The following FXN variants were observed in gnomAD, a reference collection of about 807,000 sequenced individuals.
FXN encodes frataxin, also known as frataxin, mitochondrial.
In FXN, 14 loss-of-function variants were observed where a neutral mutation model predicts 22.4. That is an observed-to-expected ratio of 0.62 (90% CI 0.41 to 0.98). FXN has a LOEUF of 0.98. Among genes scored for constraint, FXN ranks in the 50% least tolerant of loss-of-function variants. The probability of loss-of-function intolerance (pLI) is 0.00; values close to 1 mark genes in which losing one functional copy is unlikely to be tolerated. For synonymous variants in FXN, 120 were observed against 114.1 expected (o/e 1.05, Z -0.33); for missense variants, 267 against 268.4 (o/e 0.99, Z 0.04).
In FXN at chr9:69,046,398, G is replaced by A. The variant is rs141858334; in HGVS notation, c.179G>A (p.Arg60His). 9.2e-5 allele frequency: 149 copies of A among 1,613,962 alleles called. 1 individual carries two copies. The East Asian group carries it at 2.3e-3, about 25-fold the overall frequency. The change falls in exon 2 of 5, where the codon CGT (arginine) becomes CAT (histidine). Residue 60 changes from arginine (R) to histidine (H), a missense_variant. Physicochemically the swap from Arg to His is conservative, Grantham distance 29. Transcript: ENST00000484259. Reference protein sequence around the residue: ...CTPRRASSNQRGLNQIWNVKK... With the variant: ...CTPRRASSNQHGLNQIWNVKK... ...TTTGGCTTTCAGAGTTCGAACCAACGTGGCCTCAACCAGATTTGGAATGTC... is the reference window on the plus strand; with the variant it reads ...TTTGGCTTTCAGAGTTCGAACCAACATGGCCTCAACCAGATTTGGAATGTC...
At chr9:69,037,602 T>G (rs1433666026) in intron 1 of FXN, among the ~76,000 whole-genome samples, 1 of 152,214 alleles carries the variant, frequency 6.6e-6, no homozygotes, top group African/African-American at 2.4e-5. Context: ...TTCTGTGCAC[T>G]ATCTGAGCTG....
chr9:69,075,035 G>T lies in FXN; in HGVS notation c.*2273G>T. On this transcript the variant is annotated 3_prime_UTR_variant, in exon 5 of 5. Transcript: ENST00000484259. ...GGGCTGCTCTGACATGAAAGTGGAA[G>T]TTAAGGAATCTGGGCTCTTATGGGG... The T allele has an allele frequency of 1.0e-6, 1 of 985,454 alleles. No homozygotes were observed. Among genetic ancestry groups the T allele is most frequent in the South Asian group, 4.7e-5 (1 of 21,284 alleles). 61.0% of individuals were successfully genotyped at this position (985,454 alleles called of 1,614,324 possible).
chr9:69,052,982 C>T (rs1413138973), intron 2 of FXN, among the ~76,000 whole-genome samples, 158 bp from the exon 3 acceptor site: 1 of 140,824 alleles, frequency 7.1e-6, no homozygotes, highest in Non-Finnish European at 1.5e-5. Context: ...CAGAGTGAGA[C>T]TCTGTCTCAA....
intron 2 of FXN, among the ~76,000 whole-genome samples, chr9:69,051,071 C>T (rs147867343): frequency 1.5e-4 from 23 of 152,252 alleles, no homozygotes; most frequent in African/African-American, 4.1e-4. Context: ...TGAGCCACCG[C>T]GCCAGGCCGG....
intron 4 of FXN, 89 bp downstream of exon 4, chr9:69,065,124 A>G (rs1357494971): frequency 3.4e-5 from 35 of 1,015,830 alleles, no homozygotes; most frequent in Non-Finnish European, 4.9e-5. Flanking sequence ...ATGTCGGCTG[A>G]GCACAGTGGC....
chr9:69,056,018 G>A (rs1162478536), intron 3 of FXN, among the ~76,000 whole-genome samples: 2 of 151,818 alleles, frequency 1.3e-5, no homozygotes, highest in Non-Finnish European at 2.9e-5. Context: ...CTAGTAGCTG[G>A]GACTACAGGC....
Position 69,072,747 on chromosome 9 carries a change from C to A in FXN, c.618C>A (p.Ser206=), listed in dbSNP as rs755842538. The change falls in exon 5 of 5, where the codon TCC becomes TCA. Residue 206 remains serine (S), a synonymous_variant. Coordinates refer to ENST00000484259, the MANE Select transcript of FXN (RefSeq NM_000144.5). ...TKLDLSSLAY[S]GKDA ...TGGACTTGTCTTCCTTGGCCTATTC[C>A]GGAAAAGATGCTTGATGCCCAGCCC... 3 of 1,614,026 alleles carry A rather than the reference C, an allele frequency of 1.9e-6. No individual in the cohort carries two copies. The highest frequency in any genetic ancestry group is 2.5e-6 in the Non-Finnish European group (3 of 1,180,026).
intron 1 of FXN, among the ~76,000 whole-genome samples, chr9:69,036,573 C>G (rs1831554888): frequency 6.6e-6 from 1 of 152,210 alleles, no homozygotes; most frequent in African/African-American, 2.4e-5. Flanking sequence ...CTCCGCAGAG[C>G]TGTGTGACCT....
intron 2 of FXN, among the ~76,000 whole-genome samples, chr9:69,050,402 C>A (rs1276497456): frequency 6.6e-6 from 1 of 152,080 alleles, no homozygotes; most frequent in Non-Finnish European, 1.5e-5. Context: ...GTTGTGTATA[C>A]CCCTTAAGAG....
intron 1 of FXN, among the ~76,000 whole-genome samples, chr9:69,043,784 A>T (rs1831698809): frequency 6.6e-6 from 1 of 152,144 alleles, no homozygotes; most frequent in Non-Finnish European, 1.5e-5. Flanking sequence ...GGGTTTCACC[A>T]TGTTGGCCAG....
Position 69,073,956 on chromosome 9 carries a change from G to A in FXN, c.*1194G>A, listed in dbSNP as rs533683264. The A allele has an allele frequency of 6.4e-6, 5 of 779,918 alleles. No homozygotes were observed. The highest frequency in any genetic ancestry group is 7.8e-6 in the Non-Finnish European group (5 of 642,664). 48.3% of individuals were successfully genotyped at this position (779,918 alleles called of 1,614,324 possible). On this transcript the variant is annotated 3_prime_UTR_variant, in exon 5 of 5. Transcript: ENST00000484259. Reference sequence around the variant, plus strand: ...CCCAGCACTTTTGGAGGCCAAGGTGGGTGGATCACCTGAGGTCAGGAGTTC... The same window carrying A: ...CCCAGCACTTTTGGAGGCCAAGGTGAGTGGATCACCTGAGGTCAGGAGTTC...
At chr9:69,067,858 A>G (rs759793549) in intron 4 of FXN, among the ~76,000 whole-genome samples, 1 of 152,198 alleles carries the variant, frequency 6.6e-6, no homozygotes, top group Non-Finnish European at 1.5e-5. Context: ...GTCTTTACCC[A>G]CTTACTCTTA....
chr9:69,050,991 G>A (rs1466474078), intron 2 of FXN, among the ~76,000 whole-genome samples: 1 of 152,094 alleles, frequency 6.6e-6, no homozygotes, highest in Non-Finnish European at 1.5e-5. Context: ...TGTTGGTCAA[G>A]CTGGTCTCGA....
chr9:69,064,931 C>A lies in FXN; in HGVS notation c.385-7C>A. 2.5e-6 allele frequency: 4 copies of A among 1,570,492 alleles called. No homozygotes were observed. The highest frequency in any genetic ancestry group is 3.5e-6 in the Non-Finnish European group (4 of 1,140,128). On this transcript the variant is annotated splice_region_variant and splice_polypyrimidine_tract_variant and intron_variant, in intron 3 of 4. Coordinates refer to ENST00000484259, the MANE Select transcript of FXN (RefSeq NM_000144.5). ...TCTTTATGCTTTTTTTCCACCTAAT[C>A]CCCTAGAGTGGTGTCTTAACTGTCA...
intron 2 of FXN, among the ~76,000 whole-genome samples, chr9:69,047,105 C>T (rs550186155): frequency 4.6e-5 from 7 of 152,296 alleles, no homozygotes; most frequent in East Asian, 1.9e-4. Flanking sequence ...AAAGCCGGCA[C>T]GGCATTCCCC....
intron 2 of FXN, among the ~76,000 whole-genome samples, chr9:69,047,785 T>A (rs545572761): frequency 6.6e-6 from 1 of 152,196 alleles, no homozygotes; most frequent in Non-Finnish European, 1.5e-5. Context: ...TGGTGCGATC[T>A]CGGCTCACTG....
chr9:69,074,819 A>G lies in FXN; in HGVS notation c.*2057A>G, dbSNP rs1453671461. Reference sequence around the variant, plus strand: ...AAAATATTTTTTCTGAAATAAAATTATTTTTTGAGTCTGATGGAAATGTTT... The same window carrying G: ...AAAATATTTTTTCTGAAATAAAATTGTTTTTTGAGTCTGATGGAAATGTTT... On this transcript the variant is annotated 3_prime_UTR_variant, in exon 5 of 5. Coordinates refer to ENST00000484259, the MANE Select transcript of FXN (RefSeq NM_000144.5). 1.0e-6 allele frequency: 1 copy of G among 966,582 alleles called. No individual in the cohort carries two copies. Among genetic ancestry groups the G allele is most frequent in the East Asian group, 1.1e-4 (1 of 8,728 alleles). The allele number at this position is 966,582 out of a possible 1,614,324, so 59.9% of individuals were successfully genotyped here. A position where few individuals can be genotyped will look rare whatever the true frequency, so the allele number is the denominator to read the frequency against.
rs1185429436 is a variant in FXN at position 69,074,155 on chromosome 9, A to C, written c.*1393A>C. 2.8e-6 allele frequency: 2 copies of C among 726,386 alleles called. No homozygotes were observed. The highest frequency in any genetic ancestry group is 3.4e-6 in the Non-Finnish European group (2 of 594,006). The allele number at this position is 726,386 out of a possible 1,614,324, so 45.0% of individuals were successfully genotyped here. On this transcript the variant is annotated 3_prime_UTR_variant, in exon 5 of 5. Coordinates refer to ENST00000484259, the MANE Select transcript of FXN (RefSeq NM_000144.5). ...GCCGAGATCGTGCCATTGCACTGTAACCTGGGTGACTGAGCAAAACTCTGT... is the reference window on the plus strand; with the variant it reads ...GCCGAGATCGTGCCATTGCACTGTACCCTGGGTGACTGAGCAAAACTCTGT...
chr9:69,059,243 A>G (rs1832020286), intron 3 of FXN, among the ~76,000 whole-genome samples: 1 of 152,024 alleles, frequency 6.6e-6, no homozygotes, highest in South Asian at 2.1e-4. Flanking sequence ...AAGCCCTTAG[A>G]TCCGAACTCA....
Sources: gnomAD v4.1 joint callset for allele counts (sites outside exome capture counted in the v4.1 genomes callset) on GRCh38, gnomAD v4.1.1 for gene constraint, MANE v1.5 for transcripts, NCBI Gene and HGNC (gene_info 2026-07-23, HGNC 2026-07-21) for gene names.